Variants in MYOF observed in about 807,000 individuals in gnomAD.
The protein encoded by MYOF is fer-1-like 3, myoferlin.
In MYOF, 244 loss-of-function variants were observed where a neutral mutation model predicts 284.2. The observed-to-expected ratio is 0.86, with a 90% CI of 0.77 to 0.95. MYOF has a LOEUF of 0.95. Ranked by LOEUF, MYOF falls within the 40% of genes least tolerant of loss-of-function variation. MYOF has a pLI of 0.00. For synonymous variants in MYOF, 904 were observed against 919.7 expected (o/e 0.98, Z 0.31); for missense variants, 2,496 against 2,560.6 (o/e 0.97, Z 0.54).
At chr10:93,406,787 G>A (rs996676138) in intron 7 of MYOF, among the ~76,000 whole-genome samples, 15 of 151,982 alleles carry the variant, frequency 9.9e-5, no homozygotes, top group African/African-American at 3.4e-4. Flanking sequence ...TTTGAACGAA[G>A]AGGAAGAAAT....
At chr10:93,441,126 T>C (rs2056235101) in intron 3 of MYOF, among the ~76,000 whole-genome samples, 1 of 152,202 alleles carries the variant, frequency 6.6e-6, no homozygotes, top group African/African-American at 2.4e-5. Context: ...CCATGGGCTA[T>C]CCTATCCTTC....
At chr10:93,355,854 C>A in intron 30 of MYOF, 118 bp from the exon 31 acceptor site, 1 of 676,990 alleles carries the variant, frequency 1.5e-6, no homozygotes, top group Non-Finnish European at 2.5e-6. Context: ...AAGATGTTAT[C>A]GTGCAAACAC....
At position 93,404,225 on chromosome 10, in the gene MYOF, A is replaced by G. The variant is rs2134099703; in HGVS notation, c.730-6T>C. On this transcript the variant is annotated splice_region_variant and splice_polypyrimidine_tract_variant and intron_variant, in intron 7 of 53. Transcript: ENST00000359263. Reference sequence around the variant, plus strand: ...TTGACATTGTAGAAAAACAACTGCCAAAACAATAGAGCAGATGTTTAAATG... The same window carrying G: ...TTGACATTGTAGAAAAACAACTGCCGAAACAATAGAGCAGATGTTTAAATG... 6.2e-7 allele frequency: 1 copy of G among 1,613,852 alleles called. No individual in the cohort carries two copies. The highest frequency in any genetic ancestry group is 1.3e-5 in the African/African-American group (1 of 75,052).
intron 36 of MYOF, among the ~76,000 whole-genome samples, 191 bp downstream of exon 36, chr10:93,349,617 T>C (rs1844407252): frequency 6.6e-6 from 1 of 152,234 alleles, no homozygotes; most frequent in Non-Finnish European, 1.5e-5. Context: ...GGAGTTATTT[T>C]GAAGCTTTAA....
intron 2 of MYOF, among the ~76,000 whole-genome samples, chr10:93,454,606 G>C (rs567539373): frequency 6.6e-5 from 10 of 152,312 alleles, no homozygotes; most frequent in South Asian, 2.1e-4. Flanking sequence ...CCAGCTGGCT[G>C]TGTTCTGGAT....
intron 7 of MYOF, among the ~76,000 whole-genome samples, chr10:93,407,906 C>A (rs1455993887): frequency 5.3e-5 from 8 of 151,992 alleles, no homozygotes; most frequent in Non-Finnish European, 1.2e-4. Context: ...AGACACCCTG[C>A]TAATTAGAAT....
At chr10:93,477,704 G>C (rs1296440228) in intron 1 of MYOF, among the ~76,000 whole-genome samples, 1 of 151,776 alleles carries the variant, frequency 6.6e-6, no homozygotes, top group African/African-American at 2.4e-5. Flanking sequence ...AAAATTAGCC[G>C]GGCGTGATGG....
chr10:93,323,436 T>C (rs1842920841), intron 46 of MYOF, 78 bp from the exon 47 acceptor site: 3 of 1,181,656 alleles, frequency 2.5e-6, no homozygotes, highest in Non-Finnish European at 3.5e-6. Context: ...TCATATTTCT[T>C]AGATGAAACT....
intron 1 of MYOF, among the ~76,000 whole-genome samples, chr10:93,458,116 G>C (rs1012085459): frequency 6.6e-6 from 1 of 152,002 alleles, no homozygotes; most frequent in African/African-American, 2.4e-5. Flanking sequence ...ACTTATGGAG[G>C]CCAAGGTGGG....
Position 93,310,661 on chromosome 10 carries a change from A to G in MYOF, c.5890-18T>C. On this transcript the variant is annotated intron_variant, in intron 51 of 53. Transcript: ENST00000359263. ...ACTTTCCCCTTCAGTAAAGCAGAGCAGGTTAAACATATGACATCATGTTTC... is the reference window on the plus strand; with the variant it reads ...ACTTTCCCCTTCAGTAAAGCAGAGCGGGTTAAACATATGACATCATGTTTC... The G allele has an allele frequency of 6.2e-7, 1 of 1,608,236 alleles. No individual in the cohort carries two copies. Among genetic ancestry groups the G allele is most frequent in the Non-Finnish European group, 8.5e-7 (1 of 1,174,988 alleles).
At chr10:93,467,724 C>T (rs1169315633) in intron 1 of MYOF, among the ~76,000 whole-genome samples, 2 of 152,144 alleles carry the variant, frequency 1.3e-5, no homozygotes, top group Non-Finnish European at 2.9e-5. Flanking sequence ...GGAACCAACC[C>T]AAATGTCCAA....
chr10:93,332,866 A>C (rs1001607151), intron 43 of MYOF, among the ~76,000 whole-genome samples: 1 of 152,054 alleles, frequency 6.6e-6, no homozygotes, highest in African/African-American at 2.4e-5. Flanking sequence ...AAATAGGAAT[A>C]ATAATAGCAC....
intron 46 of MYOF, among the ~76,000 whole-genome samples, chr10:93,325,283 G>A (rs1310527182): frequency 1.3e-5 from 2 of 152,160 alleles, no homozygotes; most frequent in Non-Finnish European, 2.9e-5. Flanking sequence ...ATCTTCTGGA[G>A]TGGAATGTCC....
chr10:93,407,572 T>C (rs1202876910), intron 7 of MYOF, among the ~76,000 whole-genome samples: 1 of 131,502 alleles, frequency 7.6e-6, no homozygotes, highest in African/African-American at 2.9e-5. Flanking sequence ...CTACTAAAAA[T>C]ACAAAAAAAA....
chr10:93,340,131 G>A (rs532676517), intron 39 of MYOF, 22 bp downstream of exon 39: 1 of 1,613,102 alleles, frequency 6.2e-7, no homozygotes, highest in Non-Finnish European at 8.5e-7. Context: ...CTTAAATGTA[G>A]CAAAATGTAT....
At chr10:93,393,410 G>T (rs1404316758) in intron 16 of MYOF, among the ~76,000 whole-genome samples, 1 of 152,116 alleles carries the variant, frequency 6.6e-6, no homozygotes, top group Non-Finnish European at 1.5e-5. Flanking sequence ...TTCTTTGTCG[G>T]GGGGAGGGCG....
At chr10:93,430,177 G>A (rs1250166893) in intron 4 of MYOF, among the ~76,000 whole-genome samples, 5 of 151,474 alleles carry the variant, frequency 3.3e-5, no homozygotes, top group Admixed American at 6.6e-5. Flanking sequence ...CTCAAGATCC[G>A]CCCGCCTCAG....
intron 5 of MYOF, 22 bp downstream of exon 5, chr10:93,426,049 G>A (rs1440513551): frequency 1.3e-6 from 2 of 1,549,234 alleles, no homozygotes; most frequent in Non-Finnish European, 1.7e-6. Context: ...GGGTGGCTGG[G>A]CCTTCAGAAG....
intron 32 of MYOF, among the ~76,000 whole-genome samples, chr10:93,353,504 A>G (rs747927487): frequency 6.6e-6 from 1 of 152,222 alleles, no homozygotes; most frequent in Non-Finnish European, 1.5e-5. Flanking sequence ...TCCAGGGATG[A>G]AAACACAGCC....
Sources: allele counts gnomAD v4.1 joint callset (sites outside exome capture counted in the v4.1 genomes callset), GRCh38; gene constraint gnomAD v4.1.1; transcripts MANE v1.5; gene names NCBI Gene and HGNC (gene_info 2026-07-23, HGNC 2026-07-21).